Variants in PLGRKT observed in about 807,000 individuals in gnomAD.
PLGRKT encodes the protein plasminogen receptor with a C-terminal lysine.
PLGRKT carries 22 observed loss-of-function variants against 18.5 expected under a neutral mutation model. The observed-to-expected ratio is 1.19, with a 90% CI of 0.85 to 1.70. PLGRKT has a LOEUF of 1.70. Among genes scored for constraint, PLGRKT ranks in the 40% most tolerant of loss-of-function variants. The probability of loss-of-function intolerance (pLI) is 0.00; values close to 1 mark genes in which losing one functional copy is unlikely to be tolerated. For missense variants in PLGRKT, 235 were observed against 174.4 expected (o/e 1.35, Z -1.96); for synonymous variants, 72 against 52.8 (o/e 1.36, Z -1.58).
intron 3 of PLGRKT, among the ~76,000 whole-genome samples, chr9:5,405,433 A>C (rs144215586): frequency 6.6e-6 from 1 of 152,334 alleles, no homozygotes; most frequent in Non-Finnish European, 1.5e-5. Flanking sequence ...ATGGAACAGA[A>C]TACATAACTC....
At chr9:5,358,485 T>G in intron 5 of PLGRKT, 125 bp from the exon 6 acceptor site, 1 of 692,372 alleles carries the variant, frequency 1.4e-6, no homozygotes, top group Non-Finnish European at 2.4e-6. Context: ...ATCTCACACT[T>G]AAACATTTTC....
chr9:5,372,655 G>C (rs1272092425), intron 3 of PLGRKT, among the ~76,000 whole-genome samples: 6 of 152,176 alleles, frequency 3.9e-5, no homozygotes, highest in Admixed American at 2.0e-4. Flanking sequence ...CTGCTACTGT[G>C]CTTACAAGAG....
At chr9:5,382,993 A>G (rs1817775124) in intron 3 of PLGRKT, among the ~76,000 whole-genome samples, 1 of 152,204 alleles carries the variant, frequency 6.6e-6, no homozygotes, top group Non-Finnish European at 1.5e-5. Context: ...ATGTGACCTT[A>G]TTTGGAAGTC....
At chr9:5,416,841 G>C (rs149537082) in intron 3 of PLGRKT, among the ~76,000 whole-genome samples, 57 of 152,330 alleles carry the variant, frequency 3.7e-4, no homozygotes, top group African/African-American at 1.3e-3. Flanking sequence ...TTGTAGAAAA[G>C]TGCCTGTGGC....
intron 1 of PLGRKT, among the ~76,000 whole-genome samples, 175 bp from the exon 2 acceptor site, chr9:5,436,869 G>T (rs1372133756): frequency 6.6e-6 from 1 of 152,088 alleles, no homozygotes; most frequent in Non-Finnish European, 1.5e-5. Context: ...CACAAAATAT[G>T]TATCAGAAAA....
At chr9:5,432,329 T>C (rs1818843461) in intron 2 of PLGRKT, among the ~76,000 whole-genome samples, 1 of 152,358 alleles carries the variant, frequency 6.6e-6, no homozygotes, top group South Asian at 2.1e-4. Flanking sequence ...TCTCTTTTTT[T>C]GTGAGGGGAA....
intron 3 of PLGRKT, among the ~76,000 whole-genome samples, chr9:5,424,875 G>C (rs2131167149): frequency 6.6e-6 from 1 of 151,118 alleles, no homozygotes; most frequent in East Asian, 1.9e-4. Context: ...TCACCGTATT[G>C]ACCAGGATTA....
intron 3 of PLGRKT, among the ~76,000 whole-genome samples, chr9:5,370,423 T>C (rs556772122): frequency 1.8e-4 from 27 of 152,320 alleles, no homozygotes; most frequent in Non-Finnish European, 3.4e-4. Context: ...TTATCCAAAA[T>C]CATTCTTATT....
chr9:5,415,991 A>G (rs1358802809), intron 3 of PLGRKT, among the ~76,000 whole-genome samples: 2 of 152,120 alleles, frequency 1.3e-5, no homozygotes, highest in African/African-American at 2.4e-5. Context: ...GTATTATACC[A>G]ATATTAATCT....
At chr9:5,406,156 T>C (rs1333173237) in intron 3 of PLGRKT, among the ~76,000 whole-genome samples, 1 of 152,218 alleles carries the variant, frequency 6.6e-6, no homozygotes, top group Non-Finnish European at 1.5e-5. Flanking sequence ...TTTATACTGT[T>C]GGTGGGAATT....
chr9:5,436,147 C>T (rs1478170593), intron 2 of PLGRKT, among the ~76,000 whole-genome samples: 4 of 152,210 alleles, frequency 2.6e-5, no homozygotes, highest in Non-Finnish European at 5.9e-5. Flanking sequence ...TTTGGCAGTT[C>T]TTTCCTTTCT....
At chr9:5,422,110 G>A (rs1563788892) in intron 3 of PLGRKT, among the ~76,000 whole-genome samples, 1 of 152,140 alleles carries the variant, frequency 6.6e-6, no homozygotes, top group Non-Finnish European at 1.5e-5. Context: ...GAATGTCAAA[G>A]GAATGAGAGA....
intron 3 of PLGRKT, among the ~76,000 whole-genome samples, chr9:5,370,583 GTTT>G (rs1817494842): frequency 6.6e-6 from 1 of 152,004 alleles, no homozygotes; most frequent in South Asian, 2.1e-4. Flanking sequence ...GAAAAGTTTG[GTTT>G]TTATTTGCAA....
chr9:5,414,778 G>C (rs1226371663), intron 3 of PLGRKT, among the ~76,000 whole-genome samples: 1 of 152,152 alleles, frequency 6.6e-6, no homozygotes, highest in East Asian at 1.9e-4. Flanking sequence ...TGTCTACTGG[G>C]ATTGAAGTGA....
rs530026374 is a variant in PLGRKT at position 5,424,724 on chromosome 9, G to A, written c.81+7173C>T. On this transcript the variant is annotated intron_variant, in intron 3 of 5. Transcript: ENST00000223864. ...GGGGGGGGAGAGAGGGAGAGACAGA[G>A]AGAGAGAGAGAGAAAGAGACAGAGT... Among the ~76,000 whole-genome samples, 151 of 135,972 alleles carry A rather than the reference G, an allele frequency of 1.1e-3. 1 individual carries two copies. The highest frequency in any genetic ancestry group is 4.4e-3 in the African/African-American group (146 of 33,524). 89.2% of individuals were successfully genotyped at this position (135,972 alleles called of 152,430 possible).
At chr9:5,422,383 T>G (rs1818594776) in intron 3 of PLGRKT, among the ~76,000 whole-genome samples, 1 of 152,186 alleles carries the variant, frequency 6.6e-6, no homozygotes, top group Non-Finnish European at 1.5e-5. Context: ...GATTTACCAC[T>G]TCATAGGAAG....
chr9:5,371,003 T>G (rs1817503847), intron 3 of PLGRKT, among the ~76,000 whole-genome samples: 1 of 152,236 alleles, frequency 6.6e-6, no homozygotes, highest in Admixed American at 6.5e-5. Context: ...CAAGTTGTAG[T>G]ATTATTCAAA....
intron 3 of PLGRKT, among the ~76,000 whole-genome samples, chr9:5,388,164 C>G (rs560447959): frequency 1.3e-5 from 2 of 151,976 alleles, no homozygotes; most frequent in Admixed American, 1.3e-4. Flanking sequence ...CAATGGCAAT[C>G]TGAGCCACAG....
At chr9:5,370,140 T>C (rs1340899916) in intron 3 of PLGRKT, among the ~76,000 whole-genome samples, 3 of 152,138 alleles carry the variant, frequency 2.0e-5, no homozygotes, top group African/African-American at 4.8e-5. Context: ...TAGCATATCA[T>C]AGCAGGAGGA....
Sources: allele counts gnomAD v4.1 joint callset (sites outside exome capture counted in the v4.1 genomes callset), GRCh38; gene constraint gnomAD v4.1.1; transcripts MANE v1.5; gene names NCBI Gene and HGNC (gene_info 2026-07-23, HGNC 2026-07-21).